Variants in PTPRD observed in about 807,000 individuals in gnomAD.
The protein encoded by PTPRD is receptor-type tyrosine-protein phosphatase delta.
PTPRD carries 34 observed loss-of-function variants against 214.5 expected under a neutral mutation model. That is an observed-to-expected ratio of 0.16 (90% CI 0.12 to 0.21). The LOEUF (loss-of-function observed/expected upper bound fraction) is 0.21. Ranked by LOEUF, PTPRD falls within the 10% of genes least tolerant of loss-of-function variation. PTPRD has a pLI of 1.00. For synonymous variants in PTPRD, 1,128 were observed against 845.7 expected (o/e 1.33, Z -5.79); for missense variants, 2,545 against 2,398.7 (o/e 1.06, Z -1.27).
chr9:10,110,282 T>A (rs1212543580), intron 3 of PTPRD, among the ~76,000 whole-genome samples: 1 of 152,178 alleles, frequency 6.6e-6, no homozygotes, highest in African/African-American at 2.4e-5. Context: ...GGAATTTCAT[T>A]CTCTACCATC....
Position 9,837,976 on chromosome 9 carries a change from T to A in PTPRD, c.-367-71125A>T, listed in dbSNP as rs149513335. ...ATGTTCCCCTTCCTGTGTCCATGTG[T>A]TCTCATTGCTCAATTCCCACCAATG... On this transcript the variant is annotated intron_variant, in intron 5 of 45. Transcript: ENST00000381196. Among the ~76,000 whole-genome samples the A allele has an allele frequency of 3.6e-3, 544 of 152,250 alleles. 6 individuals are homozygous for A. The highest frequency in any genetic ancestry group is 0.012 in the African/African-American group (513 of 41,548).
At chr9:8,478,676 G>C (rs1042173748) in intron 30 of PTPRD, among the ~76,000 whole-genome samples, 2 of 152,162 alleles carry the variant, frequency 1.3e-5, no homozygotes, top group Non-Finnish European at 2.9e-5. Flanking sequence ...GTAGGTTTAA[G>C]CACCACAGAA....
chr9:8,562,728 T>G (rs2086897814), intron 14 of PTPRD, among the ~76,000 whole-genome samples: 1 of 152,172 alleles, frequency 6.6e-6, no homozygotes. Context: ...TGAGCCACTG[T>G]GCCTGGCCAA....
chr9:10,388,573 G>T (rs1178758222), intron 2 of PTPRD, among the ~76,000 whole-genome samples: 14 of 150,738 alleles, frequency 9.3e-5, no homozygotes, highest in Non-Finnish European at 1.2e-4. Flanking sequence ...TATATTTATA[G>T]TTAGAAATTA....
At chr9:10,081,886 C>T (rs1434331802) in intron 3 of PTPRD, among the ~76,000 whole-genome samples, 1 of 151,784 alleles carries the variant, frequency 6.6e-6, no homozygotes, top group Non-Finnish European at 1.5e-5. Context: ...TGCAGTCATA[C>T]ACCTCTCATC....
intron 12 of PTPRD, among the ~76,000 whole-genome samples, chr9:8,652,002 T>A (rs113283594): frequency 8.5e-5 from 13 of 152,306 alleles, no homozygotes; most frequent in African/African-American, 2.9e-4. Flanking sequence ...CACGCTTTTC[T>A]AGAGAAACAC....
intron 21 of PTPRD, among the ~76,000 whole-genome samples, chr9:8,507,983 T>C (rs1164362538): frequency 1.3e-5 from 2 of 151,892 alleles, no homozygotes; most frequent in Non-Finnish European, 2.9e-5. Flanking sequence ...GAAGAAGAGG[T>C]GTAAGAAAGG....
intron 11 of PTPRD, among the ~76,000 whole-genome samples, chr9:8,997,135 T>C (rs1589506946): frequency 6.6e-6 from 1 of 152,110 alleles, no homozygotes; most frequent in Non-Finnish European, 1.5e-5. Context: ...TTGGACAAAC[T>C]GTGACTAGCA....
intron 14 of PTPRD, among the ~76,000 whole-genome samples, chr9:8,539,166 C>T (rs1470691683): frequency 1.3e-5 from 2 of 151,906 alleles, no homozygotes; most frequent in Admixed American, 6.6e-5. Context: ...TGCATCCATA[C>T]TGATATAAAT....
intron 14 of PTPRD, among the ~76,000 whole-genome samples, chr9:8,614,735 A>T (rs1490085268): frequency 6.6e-6 from 1 of 152,174 alleles, no homozygotes; most frequent in Admixed American, 6.5e-5. Context: ...GACAAAAGAC[A>T]TGAGACACAA....
At chr9:9,231,535 A>G (rs10977595) in intron 9 of PTPRD, among the ~76,000 whole-genome samples, 39,269 of 152,014 alleles carry the variant, frequency 0.26, 5,945 homozygotes, top group Middle Eastern at 0.35. Context: ...GACTATCTAA[A>G]TGCTACCCAG....
intron 27 of PTPRD, among the ~76,000 whole-genome samples, chr9:8,489,797 T>C (rs984313391): frequency 6.6e-6 from 1 of 152,170 alleles, no homozygotes; most frequent in Non-Finnish European, 1.5e-5. Context: ...ACTCCACAGA[T>C]TGGCAATGGA....
intron 2 of PTPRD, among the ~76,000 whole-genome samples, chr9:10,489,151 A>T (rs951273393): frequency 6.6e-6 from 1 of 152,080 alleles, no homozygotes. Context: ...CTCGGGGCCC[A>T]GGAACTCCTC....
chr9:9,308,223 T>C (rs1957749261), intron 9 of PTPRD, among the ~76,000 whole-genome samples: 1 of 152,188 alleles, frequency 6.6e-6, no homozygotes, highest in Admixed American at 6.5e-5. Flanking sequence ...GATCAAGTAA[T>C]ATCACCAACT....
At chr9:10,173,689 A>G (rs10119783) in intron 3 of PTPRD, among the ~76,000 whole-genome samples, 48,411 of 151,578 alleles carry the variant, frequency 0.32, 7,782 homozygotes, top group Middle Eastern at 0.39. Flanking sequence ...CTAAGGATAA[A>G]CAGAAAATAA....
intron 2 of PTPRD, among the ~76,000 whole-genome samples, chr9:10,602,418 T>A (rs1281261041): frequency 6.6e-6 from 1 of 151,602 alleles, no homozygotes; most frequent in Non-Finnish European, 1.5e-5. Flanking sequence ...TTTATTCAAC[T>A]TTTTAAAAAA....
At chr9:10,572,568 G>A (rs967168431) in intron 2 of PTPRD, among the ~76,000 whole-genome samples, 3 of 152,112 alleles carry the variant, frequency 2.0e-5, no homozygotes, top group African/African-American at 7.2e-5. Context: ...ATAGCATAAA[G>A]CTGTCAGCAT....
At chr9:8,513,966 C>CA (rs1223091893) in intron 21 of PTPRD, among the ~76,000 whole-genome samples, 1 of 152,084 alleles carries the variant, frequency 6.6e-6, no homozygotes, top group East Asian at 1.9e-4. Context: ...CATCTTCATG[C>CA]AAAAAAGTCA....
In PTPRD at chr9:9,775,098, C is replaced by G. The variant is rs1216102846; in HGVS notation, c.-367-8247G>C. Among the ~76,000 whole-genome samples the G allele has an allele frequency of 1.3e-5, 2 of 152,158 alleles. 1 individual carries two copies. The highest frequency in any genetic ancestry group is 4.1e-4 in the South Asian group (2 of 4,822). On this transcript the variant is annotated intron_variant, in intron 5 of 45. Coordinates refer to ENST00000381196, the MANE Select transcript of PTPRD (RefSeq NM_002839.4). ...GAGCACCAGTTTGGAGAGTCGAATGCTCCATTATCATCAGTCTGTAACAGG... is the reference window on the plus strand; with the variant it reads ...GAGCACCAGTTTGGAGAGTCGAATGGTCCATTATCATCAGTCTGTAACAGG...
Sources: allele counts gnomAD v4.1 joint callset (sites outside exome capture counted in the v4.1 genomes callset), GRCh38; gene constraint gnomAD v4.1.1; transcripts MANE v1.5; gene names NCBI Gene and HGNC (gene_info 2026-07-23, HGNC 2026-07-21).